DSE: variants seen among roughly 807,000 people sequenced by gnomAD.
DSE encodes the protein dermatan sulfate epimerase.
In DSE, 36 loss-of-function variants were observed where a neutral mutation model predicts 84.4. That is an observed-to-expected ratio of 0.43 (90% CI 0.33 to 0.56). The LOEUF (loss-of-function observed/expected upper bound fraction) is 0.56. Ranked by LOEUF, DSE falls within the 20% of genes least tolerant of loss-of-function variation. DSE has a pLI of 0.06. For synonymous variants in DSE, 410 were observed against 430.1 expected (o/e 0.95, Z 0.58); for missense variants, 862 against 1,169.6 (o/e 0.74, Z 3.84).
intron 2 of DSE, among the ~76,000 whole-genome samples, chr6:116,260,372 C>A (rs1348587135): frequency 6.6e-6 from 1 of 152,052 alleles, no homozygotes; most frequent in Non-Finnish European, 1.5e-5. Flanking sequence ...CTTATAGATG[C>A]TGGATATTAG....
intron 2 of DSE, among the ~76,000 whole-genome samples, chr6:116,290,204 GA>G (rs1562207135): frequency 6.6e-6 from 1 of 151,848 alleles, no homozygotes; most frequent in Non-Finnish European, 1.5e-5. Context: ...TGAAATCTTT[GA>G]CAGTAACCGG....
At chr6:116,338,173 TTC>T (rs1051281495) in intron 2 of DSE, among the ~76,000 whole-genome samples, 14 of 63,392 alleles carry the variant, frequency 2.2e-4, no homozygotes, top group African/African-American at 5.5e-4. Context: ...TTCTGTCTCT[TTC>T]TCTTTCTTTC....
rs1774867238 is a variant in DSE at position 116,299,501 on chromosome 6, T to TA, written c.-54+40534_-54+40535insA. On this transcript the variant is annotated intron_variant, in intron 2 of 3. Coordinates refer to the DSE transcript ENST00000430252. ...TCATCCTGAAAGGCTTCTTGAATTA[T>TA]TTTTATATATATATATATATATATA... Among the ~76,000 whole-genome samples, 16 of 1,702 alleles carry TA rather than the reference T, an allele frequency of 9.4e-3. 1 individual carries two copies. In the South Asian group the frequency reaches 0.25, roughly 27 times the overall value. 1.1% of individuals were successfully genotyped at this position (1,702 alleles called of 152,430 possible).
At chr6:116,274,368 C>T (rs1027833685) in intron 2 of DSE, among the ~76,000 whole-genome samples, 10 of 151,756 alleles carry the variant, frequency 6.6e-5, no homozygotes, top group African/African-American at 2.2e-4. Flanking sequence ...TTGAGACCAG[C>T]GTGACCAACA....
intron 2 of DSE, among the ~76,000 whole-genome samples, chr6:116,342,790 G>T (rs534589725): frequency 2.0e-5 from 3 of 152,194 alleles, no homozygotes; most frequent in Non-Finnish European, 4.4e-5. Flanking sequence ...GAGGTAGCAG[G>T]TTCATCTCAC....
chr6:116,297,445 T>G (rs1774739594), intron 2 of DSE, among the ~76,000 whole-genome samples: 1 of 152,180 alleles, frequency 6.6e-6, no homozygotes, highest in Non-Finnish European at 1.5e-5. Context: ...GATCACCTCC[T>G]AAAGAAGAAA....
intron 2 of DSE, 160 bp downstream of exon 2, chr6:116,399,826 T>A: frequency 3.0e-6 from 2 of 663,306 alleles, no homozygotes; most frequent in Non-Finnish European, 4.9e-6. Flanking sequence ...TGAATGGCCC[T>A]TAGTTTCAAA....
intron 2 of DSE, among the ~76,000 whole-genome samples, chr6:116,401,868 AAAC>A (rs1781618152): frequency 6.6e-6 from 1 of 152,162 alleles, no homozygotes; most frequent in African/African-American, 2.4e-5. Context: ...GAAAAAACAA[AAAC>A]AAAAAACTAG....
At chr6:116,313,666 A>G (rs1391463819) in intron 2 of DSE, among the ~76,000 whole-genome samples, 1 of 152,230 alleles carries the variant, frequency 6.6e-6, no homozygotes, top group South Asian at 2.1e-4. Flanking sequence ...TGTATCTTAA[A>G]AGCTCAGTCT....
At chr6:116,365,708 A>G (rs1369501525), upstream of DSE, among the ~76,000 whole-genome samples, 1 of 152,230 alleles carries the variant, frequency 6.6e-6, no homozygotes, top group Non-Finnish European at 1.5e-5. Flanking sequence ...AAGGAATTAA[A>G]TCAGAATTTC....
intron 1 of DSE, among the ~76,000 whole-genome samples, chr6:116,378,113 C>T (rs920404958): frequency 6.6e-6 from 1 of 152,020 alleles, no homozygotes; most frequent in African/African-American, 2.4e-5. Flanking sequence ...TGAAAGGGAA[C>T]GTTGAACAGC....
chr6:116,371,969 G>C (rs1488202156), intron 1 of DSE, among the ~76,000 whole-genome samples: 3 of 152,216 alleles, frequency 2.0e-5, no homozygotes, highest in African/African-American at 7.2e-5. Flanking sequence ...TCACTTACCT[G>C]AAATTCTTTA....
chr6:116,289,836 T>C (rs1236789133), intron 2 of DSE, among the ~76,000 whole-genome samples: 1 of 152,210 alleles, frequency 6.6e-6, no homozygotes, highest in South Asian at 2.1e-4. Context: ...TCTGAGACTA[T>C]ATTATAACTT....
chr6:116,305,187 C>T (rs529034092), intron 2 of DSE, among the ~76,000 whole-genome samples: 1 of 151,618 alleles, frequency 6.6e-6, no homozygotes, highest in East Asian at 1.9e-4. Flanking sequence ...TGTTGGGTCT[C>T]CCACATAAGT....
intron 2 of DSE, among the ~76,000 whole-genome samples, chr6:116,408,134 T>A (rs1181415452): frequency 6.6e-6 from 1 of 152,200 alleles, no homozygotes; most frequent in East Asian, 1.9e-4. Context: ...TTTAATTCAT[T>A]GGTTTGCAGT....
intron 2 of DSE, among the ~76,000 whole-genome samples, chr6:116,301,897 A>G (rs555823809): frequency 2.0e-5 from 3 of 152,164 alleles, no homozygotes; most frequent in African/African-American, 4.8e-5. Flanking sequence ...TTGGTTTTCT[A>G]TTCCTGTGTT....
At chr6:116,413,182 A>G (rs1413894413) in intron 2 of DSE, among the ~76,000 whole-genome samples, 1 of 152,172 alleles carries the variant, frequency 6.6e-6, no homozygotes, top group African/African-American at 2.4e-5. Context: ...ACATAACTTC[A>G]ACTTTACATA....
intron 5 of DSE, among the ~76,000 whole-genome samples, chr6:116,434,434 T>A (rs1299449762): frequency 3.3e-5 from 5 of 152,174 alleles, no homozygotes; most frequent in Non-Finnish European, 7.4e-5. Context: ...CAATTTAAGA[T>A]TATTTTCATA....
At chr6:116,379,874 C>T (rs907020060) in intron 1 of DSE, among the ~76,000 whole-genome samples, 1 of 152,160 alleles carries the variant, frequency 6.6e-6, no homozygotes, top group Admixed American at 6.6e-5. Flanking sequence ...CTTCCAATAT[C>T]TCTTTCTTAA....
Sources: gnomAD v4.1 joint callset for allele counts (sites outside exome capture counted in the v4.1 genomes callset) on GRCh38, gnomAD v4.1.1 for gene constraint, MANE v1.5 for transcripts, NCBI Gene and HGNC (gene_info 2026-07-23, HGNC 2026-07-21) for gene names.